PGBD1: variants seen among roughly 807,000 people sequenced by gnomAD.
The protein encoded by PGBD1 is piggyBac transposable element-derived protein 1.
A neutral mutation model predicts 34.7 loss-of-function variants in PGBD1; 25 were observed. The ratio of observed to expected loss-of-function variants is 0.72; its 90% CI spans 0.52 to 1.00. The LOEUF (loss-of-function observed/expected upper bound fraction) is 1.00, where lower values mean the gene tolerates loss of function less well. Ranked by LOEUF, PGBD1 falls within the 50% of genes least tolerant of loss-of-function variation. The pLI is 0.00. For synonymous variants in PGBD1, 292 were observed against 335.7 expected (o/e 0.87, Z 1.42); for missense variants, 830 against 959.4 (o/e 0.87, Z 1.78).
At chr6:28,290,921 A>G (rs1224840096) in intron 4 of PGBD1, among the ~76,000 whole-genome samples, 1 of 152,122 alleles carries the variant, frequency 6.6e-6, no homozygotes, top group Non-Finnish European at 1.5e-5. Flanking sequence ...AAAATGTGAC[A>G]TATCAAAATT....
chr6:28,285,438 C>G (rs1487171869), intron 2 of PGBD1, 113 bp from the exon 3 acceptor site: 2 of 1,146,730 alleles, frequency 1.7e-6, no homozygotes, highest in Non-Finnish European at 2.4e-6. Context: ...GGATCCTTTG[C>G]CTGTCTTTTC....
At chr6:28,282,091 G>C (rs746992369) in intron 1 of PGBD1, among the ~76,000 whole-genome samples, 173 bp downstream of exon 1, 22 of 152,162 alleles carry the variant, frequency 1.4e-4, no homozygotes, top group Admixed American at 2.6e-4. Context: ...CTATATGTTA[G>C]GGTTAGGGGT....
chr6:28,298,103 C>G, intron 6 of PGBD1, 112 bp downstream of exon 6: 1 of 753,400 alleles, frequency 1.3e-6, no homozygotes, highest in Non-Finnish European at 2.3e-6. Context: ...GATATGACAA[C>G]TGCCACTCAC....
chr6:28,296,905 G>A lies in PGBD1; in HGVS notation c.732G>A (p.Gly244=). The A allele has an allele frequency of 1.2e-6, 2 of 1,614,172 alleles. No individual in the cohort carries two copies. The highest frequency in any genetic ancestry group is 8.5e-7 in the Non-Finnish European group (1 of 1,180,020). ...HLSLTRRNLC[G]NSAQETVMSL... Reference sequence around the variant, plus strand: ...GTCTGACTCGGAGGAACCTCTGTGGGAACTCAGCTCAGGAGACAGTTATGA... The same window carrying A: ...GTCTGACTCGGAGGAACCTCTGTGGAAACTCAGCTCAGGAGACAGTTATGA... The change falls in exon 5 of 7, where the codon GGG becomes GGA. Residue 244 remains glycine (G), a synonymous_variant. Transcript: ENST00000682144.
Position 28,284,166 on chromosome 6 carries a change from T to C in PGBD1, c.353T>C (p.Val118Ala). 3 of 1,585,830 alleles carry C rather than the reference T, an allele frequency of 1.9e-6. No homozygotes were observed. Among genetic ancestry groups the C allele is most frequent in the Non-Finnish European group, 2.6e-6 (3 of 1,164,060 alleles). The change falls in exon 2 of 7, where the codon GTG becomes GCG. Residue 118 changes from valine (V) to alanine (A), a missense_variant. Around this residue, in one of 3 missense-constraint regions of PGBD1, gnomAD observed 457 missense variants for 515.4 expected, o/e 0.89. Transcript: ENST00000682144. The stretch of plus-strand genomic sequence containing the variant: ...GAGAGTGGAGAGGAGGCAGTGACAG[T>C]GCTGGAGAATCTAGAGACAGGAAGT... ...PLESGEEAVT[V>A]LENLETGSGD...
chr6:28,286,739 TTC>T (rs1004580881), intron 3 of PGBD1, among the ~76,000 whole-genome samples: 2 of 152,200 alleles, frequency 1.3e-5, no homozygotes, highest in African/African-American at 4.8e-5. Flanking sequence ...TGCCTCTGTG[TTC>T]TCTCCTTGAT....
intron 4 of PGBD1, 33 bp from the exon 5 acceptor site, chr6:28,296,783 C>T (rs1762651538): frequency 6.2e-7 from 1 of 1,612,150 alleles, no homozygotes; most frequent in African/African-American, 1.3e-5. Context: ...CATGTGAAAA[C>T]AAAGAGGCTA....
chr6:28,283,544 A>G (rs1418279585), intron 1 of PGBD1, among the ~76,000 whole-genome samples: 1 of 152,118 alleles, frequency 6.6e-6, no homozygotes, highest in Non-Finnish European at 1.5e-5. Context: ...TATTGCTAAC[A>G]CTTCTTCCCT....
At chr6:28,290,815 C>T (rs1469087128) in intron 4 of PGBD1, among the ~76,000 whole-genome samples, 7 of 151,930 alleles carry the variant, frequency 4.6e-5, no homozygotes, top group Non-Finnish European at 8.8e-5. Context: ...ACTACACAAA[C>T]GCGTGGAAAT....
intron 5 of PGBD1, among the ~76,000 whole-genome samples, chr6:28,297,690 T>G (rs1762687889): frequency 6.6e-6 from 1 of 152,212 alleles, no homozygotes; most frequent in Non-Finnish European, 1.5e-5. Context: ...GGTGCCTTAA[T>G]TAACCTTTCT....
rs114746102 is a variant in PGBD1 at position 28,301,848 on chromosome 6, A to C, written c.1994A>C (p.His665Pro). 1.9e-6 allele frequency: 3 copies of C among 1,614,214 alleles called. No individual in the cohort carries two copies. The Admixed American group carries it at 5.0e-5, about 27-fold the overall frequency. ...TEKCPLMNVEHMKKMKRGYFD... is the reference protein window; with the variant it reads ...TEKCPLMNVEPMKKMKRGYFD... ...AAATGTCCCCTTATGAATGTAGAAC[A>C]TATGAAAAAAATGAAGAGAGGGTAT... is the stretch of plus-strand genomic sequence containing the variant. The change falls in exon 7 of 7, where the codon CAT becomes CCT. Residue 665 changes from histidine (H) to proline (P), a missense_variant. Transcript: ENST00000682144.
chr6:28,286,093 G>T (rs2113743445), intron 3 of PGBD1, among the ~76,000 whole-genome samples: 1 of 152,282 alleles, frequency 6.6e-6, no homozygotes, highest in Admixed American at 6.5e-5. Context: ...TAGTATGTAT[G>T]TGTTGTGGAC....
At position 28,300,950 on chromosome 6, in the gene PGBD1, G is replaced by C; in HGVS notation, c.1096G>C (p.Glu366Gln). The C allele has an allele frequency of 6.2e-7, 1 of 1,614,086 alleles. No individual in the cohort carries two copies. Among genetic ancestry groups the C allele is most frequent in the South Asian group, 1.1e-5 (1 of 91,076 alleles). Residue 366 changes from glutamate (E) to glutamine (Q), a missense_variant, in exon 7 of 7, where the codon GAA becomes CAA. Coordinates refer to ENST00000682144, the MANE Select transcript of PGBD1 (RefSeq NM_032507.4). This position sits in a 1 kb window ranked among gnomAD's most constrained non-coding sequence, Gnocchi z 4.0. ...CTCATTCTCTGGTGACTCAGATGTG[G>C]AAAAAGATAATGAGCCTGAGATCCA... The part of the protein sequence containing the change: ...GLSFSGDSDV[E>Q]KDNEPEIQPA...
intron 4 of PGBD1, among the ~76,000 whole-genome samples, chr6:28,290,602 G>A (rs1040792081): frequency 6.6e-6 from 1 of 152,102 alleles, no homozygotes; most frequent in Non-Finnish European, 1.5e-5. Context: ...GATCTAATAA[G>A]CCTAACTGAT....
In PGBD1 at chr6:28,288,636, G is replaced by T. The variant is rs371819586; in HGVS notation, c.642+1468G>T. Among the ~76,000 whole-genome samples the T allele has an allele frequency of 2.6e-5, 4 of 152,184 alleles. No homozygotes were observed. The East Asian group carries it at 7.7e-4, about 29-fold the overall frequency. ...TTTGGGAGGCCATGGCAGGAGGATT[G>T]CTTGAGGCCAGGAGTTTGAGACCAG... is the stretch of plus-strand genomic sequence containing the variant. On this transcript the variant is annotated intron_variant, in intron 4 of 6. Coordinates refer to ENST00000682144, the MANE Select transcript of PGBD1 (RefSeq NM_032507.4).
At position 28,296,860 on chromosome 6, in the gene PGBD1, A is replaced by G. The variant is rs749942278; in HGVS notation, c.687A>G (p.Ala229=). The part of the protein sequence containing the change: ...TEEETAQAVA[A]EKWSHLSLTR... ...AAGAAACAGCCCAGGCCGTTGCTGC[A>G]GAGAAGTGGTCACATCTGAGTCTGA... Residue 229 remains alanine (A), a synonymous_variant, in exon 5 of 7, where the codon GCA becomes GCG. Coordinates refer to ENST00000682144, the MANE Select transcript of PGBD1 (RefSeq NM_032507.4). The G allele has an allele frequency of 9.9e-6, 16 of 1,614,070 alleles. No homozygotes were observed. Among genetic ancestry groups the G allele is most frequent in the African/African-American group, 1.3e-5 (1 of 74,936 alleles).
At chr6:28,298,300 A>G (rs759205570) in intron 6 of PGBD1, among the ~76,000 whole-genome samples, 3 of 152,074 alleles carry the variant, frequency 2.0e-5, no homozygotes, top group Non-Finnish European at 2.9e-5. Flanking sequence ...GAGAAGCTAG[A>G]AGGCAGATAA....
At chr6:28,296,994 G>A in intron 5 of PGBD1, 49 bp downstream of exon 5, 1 of 1,609,076 alleles carries the variant, frequency 6.2e-7, no homozygotes, top group Non-Finnish European at 8.5e-7. Context: ...TCATTTTCCT[G>A]TCACTCACCC....
chr6:28,287,053 T>A (rs1193390633), intron 3 of PGBD1, 27 bp from the exon 4 acceptor site: 3 of 1,578,932 alleles, frequency 1.9e-6, no homozygotes, highest in Non-Finnish European at 2.6e-6. Flanking sequence ...ATGTCTCATT[T>A]AGGACTCTTG....
Sources: gnomAD v4.1 joint callset for allele counts (sites outside exome capture counted in the v4.1 genomes callset) on GRCh38, gnomAD v4.1.1 for gene constraint, gnomAD v4.1.1 regional missense constraint, Gnocchi (gnomAD v3.1) non-coding constraint, MANE v1.5 for transcripts, NCBI Gene and HGNC (gene_info 2026-07-23, HGNC 2026-07-21) for gene names.